Variants in ARHGEF4 observed in about 807,000 individuals in gnomAD.
ARHGEF4 encodes Rho guanine nucleotide exchange factor 4, also known as APC-stimulated guanine nucleotide exchange factor 1.
ARHGEF4 carries 119 observed loss-of-function variants against 162.0 expected under a neutral mutation model. That is an observed-to-expected ratio of 0.73 (90% CI 0.63 to 0.86). ARHGEF4 has a LOEUF of 0.86. Among genes scored for constraint, ARHGEF4 ranks in the 40% least tolerant of loss-of-function variants. The pLI, the probability that ARHGEF4 is intolerant of heterozygous loss-of-function variation, is 0.00. For missense variants in ARHGEF4, 2,488 were observed against 2,456.0 expected (o/e 1.01, Z -0.28); for synonymous variants, 1,014 against 979.9 (o/e 1.03, Z -0.65).
Position 131,046,071 on chromosome 2 carries a change from A to G in ARHGEF4, c.5513A>G (p.Lys1838Arg), listed in dbSNP as rs1691233422. The G allele has an allele frequency of 6.2e-7, 1 of 1,612,416 alleles. No homozygotes were observed. The highest frequency in any genetic ancestry group is 8.5e-7 in the Non-Finnish European group (1 of 1,179,480). The change falls in exon 14 of 14, where the codon AAG (lysine) becomes AGG (arginine). Residue 1838 changes from lysine to arginine, a missense_variant. Coordinates refer to ENST00000409359, the MANE Select transcript of ARHGEF4 (RefSeq NM_001367493.1). The part of the protein sequence containing the change: ...VGRPCYLTRQ[K>R]HPALPSNRPQ... The stretch of plus-strand genomic sequence containing the variant: ...CGGCCCTGCTACCTGACGCGCCAGA[A>G]GCACCCAGCCCTGCCCAGCAACCGG...
chr2:130,888,110 A>T (rs5024060), intron 1 of ARHGEF4, among the ~76,000 whole-genome samples: 27,280 of 152,036 alleles, frequency 0.18, 2,997 homozygotes, highest in East Asian at 0.34. Flanking sequence ...TGTTGCTGTT[A>T]GCTTTGCCGT....
chr2:130,860,540 C>G lies in ARHGEF4; in HGVS notation c.39+23548C>G, dbSNP rs867787702. On this transcript the variant is annotated intron_variant, in intron 1 of 13. Coordinates refer to ENST00000409359, the MANE Select transcript of ARHGEF4 (RefSeq NM_001367493.1). ...TGGCAAACACGGTGAAACCCCGTCT[C>G]TACTAAAAATACAAAAAAAATTAGC... 1.9e-3 allele frequency among the ~76,000 whole-genome samples: 176 copies of G among 94,492 alleles called. 25 individuals are homozygous for G. Among genetic ancestry groups the G allele is most frequent in the Middle Eastern group, 4.5e-3 (1 of 222 alleles). 62.0% of individuals were successfully genotyped at this position (94,492 alleles called of 152,430 possible). A position where few individuals can be genotyped will look rare whatever the true frequency, so the allele number is the denominator to read the frequency against.
intron 4 of ARHGEF4, among the ~76,000 whole-genome samples, chr2:130,965,538 T>G (rs1216186611): frequency 6.6e-6 from 1 of 152,188 alleles, no homozygotes; most frequent in Non-Finnish European, 1.5e-5. Flanking sequence ...GGAGCTTAAA[T>G]AGAACCCATT....
intron 1 of ARHGEF4, among the ~76,000 whole-genome samples, chr2:130,901,502 C>G (rs1211906981): frequency 1.3e-5 from 2 of 151,768 alleles, no homozygotes; most frequent in Non-Finnish European, 2.9e-5. Context: ...CACATCTCCC[C>G]TGCGATCCAG....
chr2:130,976,147 TGAA>T lies in ARHGEF4; in HGVS notation c.3985+29520_3985+29522del, dbSNP rs564227339. Among the ~76,000 whole-genome samples, 269 of 152,148 alleles carry T rather than the reference TGAA, an allele frequency of 1.8e-3. 2 individuals are homozygous for T. The highest frequency in any genetic ancestry group is 3.4e-3 in the African/African-American group (142 of 41,510). The stretch of plus-strand genomic sequence containing the variant: ...GAGAGGTTGTGCAAGGTGATGAGTG[TGAA>T]GAAGAAGCTCAGCCATGTCCTGGAA... On this transcript the variant is annotated intron_variant, in intron 4 of 13. Coordinates refer to ENST00000409359, the MANE Select transcript of ARHGEF4 (RefSeq NM_001367493.1).
rs1681520882 is a variant in ARHGEF4, at chr2:130,916,711, CAAT to C, written c.2767_2769del (p.Ile923del). On this transcript the variant is annotated inframe_deletion, in exon 2 of 14. Transcript: ENST00000409359. ...AAGACCTTTTCAAACTTTATTGAGTCAATAGTTCTAGAGAAAGAGAACACCCAT... is the reference window on the plus strand; with the variant it reads ...AAGACCTTTTCAAACTTTATTGAGTCAGTTCTAGAGAAAGAGAACACCCAT... The C allele has an allele frequency of 6.4e-7, 1 of 1,550,512 alleles. No individual in the cohort carries two copies. Among genetic ancestry groups the C allele is most frequent in the African/African-American group, 1.4e-5 (1 of 73,032 alleles).
In ARHGEF4 at chr2:130,904,171, C is replaced by G. The variant is rs181838841; in HGVS notation, c.40-9815C>G. ...GAGCTCCCTTTTCTCCACAGCCCCACCAGCAAGTGTTATTCCTGGCTTCTT... is the reference window on the plus strand; with the variant it reads ...GAGCTCCCTTTTCTCCACAGCCCCAGCAGCAAGTGTTATTCCTGGCTTCTT... On this transcript the variant is annotated intron_variant, in intron 1 of 13. Coordinates refer to ENST00000409359, the MANE Select transcript of ARHGEF4 (RefSeq NM_001367493.1). Among the ~76,000 whole-genome samples, 11 of 152,286 alleles carry G rather than the reference C, an allele frequency of 7.2e-5. No homozygotes were observed. The East Asian group carries it at 2.1e-3, about 29-fold the overall frequency.
chr2:131,002,832 GT>G (rs1687872653), intron 4 of ARHGEF4, among the ~76,000 whole-genome samples: 1 of 151,522 alleles, frequency 6.6e-6, no homozygotes, highest in African/African-American at 2.4e-5. Flanking sequence ...TGAACTGTTG[GT>G]CGGCTTCCTA....
chr2:130,974,616 A>ATTTT (rs70994726), intron 4 of ARHGEF4, among the ~76,000 whole-genome samples: 1 of 134,246 alleles, frequency 7.4e-6, no homozygotes, highest in Admixed American at 7.4e-5. Flanking sequence ...ACACCCAGCT[A>ATTTT]TTTTTTTTTT....
intron 1 of ARHGEF4, among the ~76,000 whole-genome samples, chr2:130,848,272 C>T (rs1426366622): frequency 6.6e-6 from 1 of 152,166 alleles, no homozygotes. Flanking sequence ...GCCAGGATCG[C>T]GTCTGAACCA....
At chr2:130,893,076 G>A (rs1679952135) in intron 1 of ARHGEF4, among the ~76,000 whole-genome samples, 1 of 152,240 alleles carries the variant, frequency 6.6e-6, no homozygotes, top group African/African-American at 2.4e-5. Flanking sequence ...CTGCCTGCCT[G>A]TCAAGACTTA....
chr2:130,912,357 C>G (rs1444129679), intron 1 of ARHGEF4, among the ~76,000 whole-genome samples: 1 of 152,216 alleles, frequency 6.6e-6, no homozygotes, highest in East Asian at 1.9e-4. Flanking sequence ...CTGTAACAAC[C>G]ACACAGCCCT....
At chr2:130,905,923 G>A (rs1295999021) in intron 1 of ARHGEF4, among the ~76,000 whole-genome samples, 1 of 152,108 alleles carries the variant, frequency 6.6e-6, no homozygotes, top group Non-Finnish European at 1.5e-5. Flanking sequence ...ACAGATAAGG[G>A]GGAACTACTG....
intron 1 of ARHGEF4, among the ~76,000 whole-genome samples, chr2:130,846,948 G>A (rs756158473): frequency 3.3e-5 from 5 of 152,336 alleles, no homozygotes; most frequent in Admixed American, 2.0e-4. Flanking sequence ...TACACAGAGT[G>A]TGTTTCCACT....
chr2:130,947,571 A>G (rs941378716), intron 4 of ARHGEF4, among the ~76,000 whole-genome samples: 1 of 152,154 alleles, frequency 6.6e-6, no homozygotes, highest in African/African-American at 2.4e-5. Context: ...TTCCGTTCTG[A>G]GGAATAATGG....
chr2:130,903,607 G>A (rs1680641085), intron 1 of ARHGEF4, among the ~76,000 whole-genome samples: 1 of 152,110 alleles, frequency 6.6e-6, no homozygotes, highest in Non-Finnish European at 1.5e-5. Context: ...GTTACATGTT[G>A]CATGACGCTG....
At chr2:130,881,821 G>A (rs576898533) in intron 1 of ARHGEF4, among the ~76,000 whole-genome samples, 129 of 152,186 alleles carry the variant, frequency 8.5e-4, no homozygotes, top group Non-Finnish European at 1.0e-3. Context: ...TGTACTGGGC[G>A]GGGAGTGACT....
chr2:130,902,129 A>G (rs1680518943), intron 1 of ARHGEF4, among the ~76,000 whole-genome samples: 1 of 152,174 alleles, frequency 6.6e-6, no homozygotes, highest in Non-Finnish European at 1.5e-5. Context: ...AGTAATAAAA[A>G]TCCTTTCAAT....
intron 4 of ARHGEF4, among the ~76,000 whole-genome samples, chr2:130,966,739 C>CTTTTGG (rs1685030381): frequency 6.6e-6 from 1 of 152,214 alleles, no homozygotes; most frequent in East Asian, 1.9e-4. Context: ...TTTCATTCAA[C>CTTTTGG]AATCATGGCT....
Sources: allele counts gnomAD v4.1 joint callset (sites outside exome capture counted in the v4.1 genomes callset), GRCh38; gene constraint gnomAD v4.1.1; transcripts MANE v1.5; gene names NCBI Gene and HGNC (gene_info 2026-07-23, HGNC 2026-07-21).